The following EPHA3 variants were observed in gnomAD, a reference collection of about 807,000 sequenced individuals.
The protein encoded by EPHA3 is EPH receptor A3.
A neutral mutation model predicts 107.1 loss-of-function variants in EPHA3; 42 were observed. That is an observed-to-expected ratio of 0.39 (90% CI 0.31 to 0.51). The LOEUF is 0.51. Among genes scored for constraint, EPHA3 ranks in the 20% least tolerant of loss-of-function variants. The pLI, the probability that EPHA3 is intolerant of heterozygous loss-of-function variation, is 0.78. For missense variants in EPHA3, 1,183 were observed against 1,211.2 expected (o/e 0.98, Z 0.35); for synonymous variants, 461 against 424.8 (o/e 1.09, Z -1.05).
chr3:89,350,199 T>A (rs1480540972), intron 5 of EPHA3, among the ~76,000 whole-genome samples: 1 of 151,004 alleles, frequency 6.6e-6, no homozygotes, highest in Non-Finnish European at 1.5e-5. Flanking sequence ...CTGGATAATA[T>A]CCTGCAGAGT....
intron 11 of EPHA3, among the ~76,000 whole-genome samples, chr3:89,428,453 T>C (rs1208566904): frequency 6.6e-6 from 1 of 152,154 alleles, no homozygotes; most frequent in African/African-American, 2.4e-5. Flanking sequence ...ATTTGCAAAC[T>C]GGTTATTACA....
intron 15 of EPHA3, among the ~76,000 whole-genome samples, chr3:89,453,870 G>A (rs556097084): frequency 6.6e-6 from 1 of 152,094 alleles, no homozygotes; most frequent in South Asian, 2.1e-4. Flanking sequence ...TACCCATATC[G>A]TCCTTCTTTC....
At position 89,313,456 on chromosome 3, in the gene EPHA3, C is replaced by A. The variant is rs565778836; in HGVS notation, c.815-27460C>A. Among the ~76,000 whole-genome samples, 3 of 151,978 alleles carry A rather than the reference C, an allele frequency of 2.0e-5. No homozygotes were observed. The South Asian group carries it at 6.2e-4, about 32-fold the overall frequency. On this transcript the variant is annotated intron_variant, in intron 3 of 16. Coordinates refer to ENST00000336596, the MANE Select transcript of EPHA3 (RefSeq NM_005233.6). Reference sequence around the variant, plus strand: ...TGTTTTTGTTACACTGTTAGTTTAACAAAATGATTAGTAAATATGTAATTT... The same window carrying A: ...TGTTTTTGTTACACTGTTAGTTTAAAAAAATGATTAGTAAATATGTAATTT...
chr3:89,127,438 A>C (rs1343547398), intron 2 of EPHA3, among the ~76,000 whole-genome samples, 165 bp downstream of exon 2: 1 of 151,996 alleles, frequency 6.6e-6, no homozygotes, highest in African/African-American at 2.4e-5. Flanking sequence ...ATTTGTGTCC[A>C]ATGGAGCTAG....
At chr3:89,471,440 C>A (rs574692391) in intron 15 of EPHA3, among the ~76,000 whole-genome samples, 1 of 152,302 alleles carries the variant, frequency 6.6e-6, no homozygotes, top group South Asian at 2.1e-4. Flanking sequence ...ATGAACTCGG[C>A]TCACCGCAAC....
At chr3:89,356,829 T>C (rs1355923242) in intron 5 of EPHA3, among the ~76,000 whole-genome samples, 1 of 150,348 alleles carries the variant, frequency 6.7e-6, no homozygotes, top group East Asian at 2.0e-4. Context: ...AAATAAGAAA[T>C]TGATAAGACT....
At chr3:89,156,879 A>T (rs569255065) in intron 2 of EPHA3, among the ~76,000 whole-genome samples, 2 of 147,882 alleles carry the variant, frequency 1.4e-5, no homozygotes, top group East Asian at 2.0e-4. Flanking sequence ...TACACATTTT[A>T]TTTTTTTTTT....
intron 2 of EPHA3, among the ~76,000 whole-genome samples, chr3:89,176,683 T>A (rs999444412): frequency 2.6e-5 from 4 of 152,026 alleles, no homozygotes; most frequent in African/African-American, 9.7e-5. Context: ...CAGTCTTAAA[T>A]CTTATTTAGA....
chr3:89,207,554 A>C (rs1345249330), intron 2 of EPHA3, among the ~76,000 whole-genome samples: 13 of 151,066 alleles, frequency 8.6e-5, no homozygotes, highest in Admixed American at 8.0e-4. Context: ...CAAAAAACAC[A>C]CAAGAAAATC....
intron 3 of EPHA3, among the ~76,000 whole-genome samples, chr3:89,291,861 A>G (rs1455720451): frequency 6.6e-6 from 1 of 152,194 alleles, no homozygotes; most frequent in East Asian, 1.9e-4. Flanking sequence ...CAAACTTGTA[A>G]TCTATGATCC....
chr3:89,426,054 C>A (rs1017612819), intron 11 of EPHA3, among the ~76,000 whole-genome samples: 1 of 151,678 alleles, frequency 6.6e-6, no homozygotes, highest in African/African-American at 2.4e-5. Flanking sequence ...TTGATGGTTT[C>A]ATTTCAGCAA....
At chr3:89,377,322 T>C (rs138588735) in intron 5 of EPHA3, among the ~76,000 whole-genome samples, 115 of 152,262 alleles carry the variant, frequency 7.6e-4, no homozygotes, top group Admixed American at 1.2e-3. Context: ...ATTTCATATG[T>C]ACCCATTTGC....
intron 3 of EPHA3, among the ~76,000 whole-genome samples, chr3:89,314,696 G>C (rs533471660): frequency 6.6e-6 from 1 of 151,830 alleles, no homozygotes; most frequent in South Asian, 2.1e-4. Context: ...GATTTCAAAT[G>C]GACCATAAAG....
At chr3:89,459,517 CCTTCCTTCGTTCCTTCCTTT>C (rs1255037285) in intron 15 of EPHA3, among the ~76,000 whole-genome samples, 1 of 150,736 alleles carries the variant, frequency 6.6e-6, no homozygotes, top group Non-Finnish European at 1.5e-5. Context: ...TTCCTTCCTT[CCTTCCTTCGTTCCTTCCTTT>C]CTTCCTTTCT....
chr3:89,235,990 A>G (rs1704750653), intron 3 of EPHA3, among the ~76,000 whole-genome samples: 1 of 152,086 alleles, frequency 6.6e-6, no homozygotes, highest in Admixed American at 6.6e-5. Flanking sequence ...GTTCCATATC[A>G]TTAGTGGTCA....
intron 2 of EPHA3, among the ~76,000 whole-genome samples, chr3:89,161,348 A>C (rs1411194894): frequency 1.3e-5 from 2 of 152,174 alleles, no homozygotes; most frequent in African/African-American, 4.8e-5. Context: ...AGCCATTAAT[A>C]GTATTAGTTA....
chr3:89,214,143 T>C (rs1704171589), intron 3 of EPHA3, among the ~76,000 whole-genome samples: 1 of 152,028 alleles, frequency 6.6e-6, no homozygotes, highest in South Asian at 2.1e-4. Flanking sequence ...AGTTTGCATT[T>C]AATTGTTCTA....
chr3:89,329,328 A>T (rs753787385), intron 3 of EPHA3, among the ~76,000 whole-genome samples: 9 of 152,036 alleles, frequency 5.9e-5, no homozygotes, highest in Non-Finnish European at 1.0e-4. Flanking sequence ...CTGAATACAG[A>T]TGGCCAAGTC....
chr3:89,426,999 T>C (rs1709470140), intron 11 of EPHA3, among the ~76,000 whole-genome samples: 1 of 151,864 alleles, frequency 6.6e-6, no homozygotes, highest in Admixed American at 6.6e-5. Context: ...ATCTTCCCTT[T>C]CTTTTTGAAT....
Sources: allele counts gnomAD v4.1 joint callset (sites outside exome capture counted in the v4.1 genomes callset), GRCh38; gene constraint gnomAD v4.1.1; transcripts MANE v1.5; gene names NCBI Gene and HGNC (gene_info 2026-07-23, HGNC 2026-07-21).